Variants in PRKG2 observed in about 807,000 individuals in gnomAD.
PRKG2 encodes the protein protein kinase cGMP-dependent 2, also known as cGMP-dependent protein kinase 2.
In PRKG2, 33 loss-of-function variants were observed where a neutral mutation model predicts 97.2. The ratio of observed to expected loss-of-function variants is 0.34; its 90% CI spans 0.26 to 0.45. PRKG2 has a LOEUF of 0.45. Among genes scored for constraint, PRKG2 ranks in the 20% least tolerant of loss-of-function variants. The probability of loss-of-function intolerance (pLI) is 1.00; values close to 1 mark genes in which losing one functional copy is unlikely to be tolerated. For missense variants in PRKG2, 638 were observed against 900.0 expected, an observed-to-expected ratio of 0.71 and a Z score of 3.73; for synonymous variants, 330 against 321.8, an observed-to-expected ratio of 1.03 and a Z score of -0.27.
intron 2 of PRKG2, among the ~76,000 whole-genome samples, chr4:81,190,160 C>T (rs548565878): frequency 1.8e-4 from 28 of 152,250 alleles, no homozygotes; most frequent in Admixed American, 1.1e-3. Context: ...AGGCATCATG[C>T]TACCTGACTT....
chr4:81,158,983 G>T (rs939678714), intron 6 of PRKG2, among the ~76,000 whole-genome samples: 1 of 151,048 alleles, frequency 6.6e-6, no homozygotes, highest in Non-Finnish European at 1.5e-5. Flanking sequence ...AGACTTAAAC[G>T]TTAGACCTAA....
chr4:81,127,486 C>G (rs990154349), intron 14 of PRKG2, among the ~76,000 whole-genome samples: 1 of 152,024 alleles, frequency 6.6e-6, no homozygotes, highest in African/African-American at 2.4e-5. Flanking sequence ...TTTTTCTATT[C>G]GTTTGTGTCC....
intron 4 of PRKG2, among the ~76,000 whole-genome samples, chr4:81,171,256 A>G (rs1004746408): frequency 6.6e-6 from 1 of 151,672 alleles, no homozygotes; most frequent in Non-Finnish European, 1.5e-5. Flanking sequence ...AAGTAAGAAC[A>G]TGCAGTGTTT....
chr4:81,202,799 A>G (rs577603182), intron 2 of PRKG2, among the ~76,000 whole-genome samples: 2 of 152,136 alleles, frequency 1.3e-5, no homozygotes, highest in East Asian at 3.9e-4. Context: ...AAATACGCTT[A>G]TCTCAGATTT....
chr4:81,178,634 T>C (rs939107747), intron 2 of PRKG2, among the ~76,000 whole-genome samples: 2 of 150,842 alleles, frequency 1.3e-5, no homozygotes, highest in African/African-American at 4.9e-5. Flanking sequence ...TAGAAACTAA[T>C]TATAGGCAGC....
intron 18 of PRKG2, among the ~76,000 whole-genome samples, chr4:81,090,810 C>T (rs1156876890): frequency 1.3e-5 from 2 of 152,162 alleles, no homozygotes; most frequent in Admixed American, 1.3e-4. Context: ...GAATTTGTAT[C>T]TGCATAACAA....
chr4:81,159,273 A>AG (rs1247831429), intron 6 of PRKG2, among the ~76,000 whole-genome samples: 1 of 152,184 alleles, frequency 6.6e-6, no homozygotes, highest in Non-Finnish European at 1.5e-5. Context: ...AGAAAAAAAA[A>AG]CAACCCCATC....
rs368173111 is a variant in PRKG2, at chr4:81,123,065, A to T, written c.1776+12090T>A. 8.5e-5 allele frequency among the ~76,000 whole-genome samples: 13 copies of T among 152,354 alleles called. No homozygotes were observed. In the East Asian group the frequency reaches 2.3e-3, roughly 27 times the overall value. ...CACCTATTGGGAACAATATTCTACA[A>T]GCCCATTAGATGAAGTGTATTATTT... On this transcript the variant is annotated intron_variant, in intron 14 of 18. Coordinates refer to ENST00000264399, the MANE Select transcript of PRKG2 (RefSeq NM_006259.3).
intron 17 of PRKG2, among the ~76,000 whole-genome samples, chr4:81,104,133 G>A (rs1272517733): frequency 6.6e-6 from 1 of 152,160 alleles, no homozygotes; most frequent in East Asian, 1.9e-4. Flanking sequence ...ATGTGATTTT[G>A]TAACTTCTTT....
intron 12 of PRKG2, among the ~76,000 whole-genome samples, chr4:81,139,795 A>T (rs1747090574): frequency 6.6e-6 from 1 of 151,654 alleles, no homozygotes; most frequent in South Asian, 2.1e-4. Flanking sequence ...AAAAAAAAAA[A>T]AAAAAGAATC....
At chr4:81,151,808 C>T in intron 8 of PRKG2, 152 bp downstream of exon 8, 1 of 616,370 alleles carries the variant, frequency 1.6e-6, no homozygotes, top group South Asian at 2.0e-5. Flanking sequence ...TCATTTCCCG[C>T]ATAAAAATTT....
At chr4:81,196,504 T>C (rs1388780601) in intron 2 of PRKG2, among the ~76,000 whole-genome samples, 3 of 152,168 alleles carry the variant, frequency 2.0e-5, no homozygotes, top group Non-Finnish European at 4.4e-5. Context: ...GTACTTCCTC[T>C]TTCCTCATCT....
At chr4:81,155,413 G>A (rs895360619) in intron 6 of PRKG2, among the ~76,000 whole-genome samples, 1 of 152,108 alleles carries the variant, frequency 6.6e-6, no homozygotes, top group Non-Finnish European at 1.5e-5. Flanking sequence ...AAGCCTCCAA[G>A]AAATATGGGA....
intron 17 of PRKG2, among the ~76,000 whole-genome samples, chr4:81,103,818 G>A (rs1743051721): frequency 6.6e-6 from 1 of 152,058 alleles, no homozygotes; most frequent in Non-Finnish European, 1.5e-5. Context: ...GGATCATGAG[G>A]TCAGGAGTTT....
At chr4:81,094,459 G>A (rs188020863) in intron 17 of PRKG2, among the ~76,000 whole-genome samples, 88 of 152,232 alleles carry the variant, frequency 5.8e-4, no homozygotes, top group Non-Finnish European at 1.1e-3. Context: ...ATACTGAGTA[G>A]AGAAGCTACA....
At chr4:81,217,264 A>C (rs1754312936), upstream of PRKG2, among the ~76,000 whole-genome samples, 1 of 152,008 alleles carries the variant, frequency 6.6e-6, no homozygotes, top group African/African-American at 2.4e-5. Context: ...AATGATACCA[A>C]ATAGAATAAA....
chr4:81,111,432 A>ATCATGTTATACATGATTAATATT (rs1560544899), intron 14 of PRKG2, among the ~76,000 whole-genome samples: 2 of 115,542 alleles, frequency 1.7e-5, no homozygotes, highest in African/African-American at 1.1e-4. Context: ...GATTAATATT[A>ATCATGTTATACATGATTAATATT]TATCATGTTA....
intron 2 of PRKG2, chr4:81,176,095 C>T (rs189729340): frequency 6.6e-6 from 1 of 152,196 alleles, no homozygotes; most frequent in East Asian, 1.9e-4. Flanking sequence ...TATCTTTAGG[C>T]TACATGAAGA....
At chr4:81,214,334 A>T (rs1164757318) in intron 1 of PRKG2, among the ~76,000 whole-genome samples, 1 of 152,062 alleles carries the variant, frequency 6.6e-6, no homozygotes. Flanking sequence ...GTTGCACCGT[A>T]GTTCTTCTCA....
Sources: gnomAD v4.1 joint callset for allele counts (sites outside exome capture counted in the v4.1 genomes callset) on GRCh38, gnomAD v4.1.1 for gene constraint, MANE v1.5 for transcripts, NCBI Gene and HGNC (gene_info 2026-07-23, HGNC 2026-07-21) for gene names.